PCDHGA3: variants seen among roughly 807,000 people sequenced by gnomAD.
PCDHGA3 encodes the protein protocadherin gamma-A3.
Under a neutral mutation model 58.5 loss-of-function variants are expected in PCDHGA3, and 40 were observed. The observed-to-expected ratio is 0.68, with a 90% CI of 0.53 to 0.89. The LOEUF is 0.89. Ranked by LOEUF, PCDHGA3 falls within the 40% of genes least tolerant of loss-of-function variation. The pLI is 0.00. For synonymous variants in PCDHGA3, 530 were observed against 525.7 expected, an observed-to-expected ratio of 1.01 and a Z score of -0.11; for missense variants, 1,223 against 1,195.9, an observed-to-expected ratio of 1.02 and a Z score of -0.33.
intron 1 of PCDHGA3, chr5:141,378,226 T>C (rs1774724615): frequency 6.6e-6 from 1 of 152,206 alleles, no homozygotes; most frequent in Admixed American, 6.5e-5. Context: ...TGCCTGATAG[T>C]ATTTAAGAGT....
At chr5:141,378,598 G>C (rs1374032317) in intron 1 of PCDHGA3, 4 of 152,136 alleles carry the variant, frequency 2.6e-5, no homozygotes, top group Admixed American at 6.5e-5. Context: ...TCTGCTTACA[G>C]GACATATCTC....
At chr5:141,376,216 G>A (rs1036569498) in intron 1 of PCDHGA3, 23 of 1,614,106 alleles carry the variant, frequency 1.4e-5, no homozygotes, top group Non-Finnish European at 1.9e-5. Flanking sequence ...TCATCGTGCT[G>A]CTGGCGCTCA....
At position 141,487,946 on chromosome 5, in the gene PCDHGA3, C is replaced by G. The variant is rs187890859; in HGVS notation, c.2425-6861C>G. 7.9e-5 allele frequency among the ~76,000 whole-genome samples: 12 copies of G among 152,298 alleles called. No homozygotes were observed. The highest frequency in any genetic ancestry group is 7.8e-4 in the Admixed American group (12 of 15,304). Reference sequence around the variant, plus strand: ...AGTGCACAGGGTACAGTGCACCAGGCAGTCACTTGGACAAAGGTGGCTGTT... The same window carrying G: ...AGTGCACAGGGTACAGTGCACCAGGGAGTCACTTGGACAAAGGTGGCTGTT... On this transcript the variant is annotated intron_variant, in intron 1 of 3. Transcript: ENST00000253812. The surrounding 1 kb of genome is among the most constrained non-coding windows in gnomAD (Gnocchi z 5.0).
chr5:141,429,314 C>A (rs1463397731), intron 1 of PCDHGA3, among the ~76,000 whole-genome samples: 2 of 151,722 alleles, frequency 1.3e-5, no homozygotes, highest in Admixed American at 6.6e-5. Flanking sequence ...GTATATAAGG[C>A]TTTTTCTTTA....
At chr5:141,430,815 T>A in intron 1 of PCDHGA3, 1 of 1,535,252 alleles carries the variant, frequency 6.5e-7, no homozygotes, top group Non-Finnish European at 8.7e-7. Flanking sequence ...CTGGGAATCC[T>A]CCTGGGGACT....
chr5:141,357,498 T>G, intron 1 of PCDHGA3: 1 of 1,614,020 alleles, frequency 6.2e-7, no homozygotes, highest in South Asian at 1.1e-5. Context: ...CGCGGAAGAG[T>G]CACCTGATCT....
At chr5:141,409,021 C>T in intron 1 of PCDHGA3, 4 of 1,613,972 alleles carry the variant, frequency 2.5e-6, no homozygotes, top group Non-Finnish European at 3.4e-6. Context: ...ATGAGGGGGT[C>T]AATGCTGAGA....
At chr5:141,459,499 G>A (rs2098968854) in intron 1 of PCDHGA3, among the ~76,000 whole-genome samples, 1 of 152,172 alleles carries the variant, frequency 6.6e-6, no homozygotes, top group Non-Finnish European at 1.5e-5. Context: ...TTAAAGTGAT[G>A]TGAACAATCA....
Position 141,476,755 on chromosome 5 carries a change from G to A in PCDHGA3, c.2425-18052G>A, listed in dbSNP as rs1307512875. The stretch of plus-strand genomic sequence containing the variant: ...AACGGGAGCCTAGTCTCCAGTTAGT[G>A]CTGACGGCGTTGGACGGAGGGACCC... On this transcript the variant is annotated intron_variant, in intron 1 of 3. Coordinates refer to ENST00000253812, the MANE Select transcript of PCDHGA3 (RefSeq NM_018916.4). This position sits in a 1 kb window ranked among gnomAD's most constrained non-coding sequence, Gnocchi z 7.6. 1.2e-6 allele frequency: 2 copies of A among 1,613,828 alleles called. No homozygotes were observed. Among genetic ancestry groups the A allele is most frequent in the Non-Finnish European group, 1.7e-6 (2 of 1,180,036 alleles).
rs200312693 is a variant in PCDHGA3 at position 141,364,360 on chromosome 5, C to T, written c.2424+17903C>T. 1.5e-3 allele frequency: 2,261 copies of T among 1,558,460 alleles called. 3 individuals carry two copies. The highest frequency in any genetic ancestry group is 1.8e-3 in the Non-Finnish European group (2,074 of 1,154,776). On this transcript the variant is annotated intron_variant, in intron 1 of 3. Transcript: ENST00000253812. ...CGAGTCCACCTAGGGGCTGGGGCTG[C>T]GGAGAGCTGCTGCTGCCCTTCATGC...
chr5:141,409,567 G>A (rs974585499), intron 1 of PCDHGA3: 1 of 1,613,896 alleles, frequency 6.2e-7, no homozygotes, highest in African/African-American at 1.3e-5. Flanking sequence ...TCGACCAGAC[G>A]TCCTACGTGG....
At chr5:141,362,990 A>C (rs1365847301) in intron 1 of PCDHGA3, among the ~76,000 whole-genome samples, 1 of 152,256 alleles carries the variant, frequency 6.6e-6, no homozygotes, top group African/African-American at 2.4e-5. Flanking sequence ...GCATAATGGC[A>C]TGGCTTGTTA....
intron 2 of PCDHGA3, among the ~76,000 whole-genome samples, chr5:141,505,113 G>A (rs1254889990): frequency 6.6e-6 from 1 of 152,178 alleles, no homozygotes; most frequent in East Asian, 1.9e-4. Context: ...AATGAGCCAA[G>A]ATCGCGCCAC....
intron 1 of PCDHGA3, chr5:141,408,732 AT>A (rs1172232848): frequency 6.2e-7 from 1 of 1,610,014 alleles, no homozygotes; most frequent in Non-Finnish European, 8.5e-7. Context: ...TCTAATCCTT[AT>A]TTTTCATTAA....
At position 141,491,735 on chromosome 5, in the gene PCDHGA3, G is replaced by C. The variant is rs765837152; in HGVS notation, c.2425-3072G>C. ...TCGGCGCCGCCCCGGGCGACCCCTG[G>C]GGGCGGCACTGGAGAAGCCGCCCGT... On this transcript the variant is annotated intron_variant, in intron 1 of 3. Coordinates refer to ENST00000253812, the MANE Select transcript of PCDHGA3 (RefSeq NM_018916.4). The surrounding 1 kb of genome is among the most constrained non-coding windows in gnomAD (Gnocchi z 6.9). 2.5e-6 allele frequency: 4 copies of C among 1,601,968 alleles called. No homozygotes were observed. In the South Asian group the frequency reaches 4.4e-5, roughly 18 times the overall value.
At chr5:141,352,529 GCAAAGA>G (rs1300425805) in intron 1 of PCDHGA3, 1 of 1,613,988 alleles carries the variant, frequency 6.2e-7, no homozygotes, top group Non-Finnish European at 8.5e-7. Context: ...CTCTCATTCT[GCAAAGA>G]CAGAGTTTAA....
rs2099648980 is a variant in PCDHGA3 at position 141,487,537 on chromosome 5, G to A, written c.2425-7270G>A. ...CTCGGAGTGATAGCTTCATGATGGT[G>A]AAGTCACCCAGTGCACCTATGGCAG... On this transcript the variant is annotated intron_variant, in intron 1 of 3. Transcript: ENST00000253812. The surrounding 1 kb of genome is among the most constrained non-coding windows in gnomAD (Gnocchi z 5.0). The A allele has an allele frequency of 1.2e-6, 2 of 1,614,188 alleles. No individual in the cohort carries two copies. Among genetic ancestry groups the A allele is most frequent in the Admixed American group, 1.7e-5 (1 of 60,028 alleles).
chr5:141,421,280 G>T (rs564480755), intron 1 of PCDHGA3: 1 of 1,612,948 alleles, frequency 6.2e-7, no homozygotes, highest in African/African-American at 1.3e-5. Context: ...CTGCTGCTGT[G>T]CATTTTCCTG....
rs779769007 is a variant in PCDHGA3 at position 141,345,827 on chromosome 5, G to A, written c.1794G>A (p.Ser598=). 6.2e-7 allele frequency: 1 copy of A among 1,613,472 alleles called. No individual in the cohort carries two copies. Among genetic ancestry groups the A allele is most frequent in the African/African-American group, 1.3e-5 (1 of 74,892 alleles). ...VTKVVAVDRD[S]GQNAWLSYRL... The stretch of plus-strand genomic sequence containing the variant: ...AGGTGGTGGCGGTGGACAGAGACTC[G>A]GGCCAGAACGCCTGGCTGTCCTACC... Residue 598 remains serine, a synonymous_variant, in exon 1 of 4, where the codon TCG becomes TCA. Coordinates refer to ENST00000253812, the MANE Select transcript of PCDHGA3 (RefSeq NM_018916.4).
Sources: allele counts gnomAD v4.1 joint callset (sites outside exome capture counted in the v4.1 genomes callset), GRCh38; gene constraint gnomAD v4.1.1; non-coding constraint Gnocchi (gnomAD v3.1); transcripts MANE v1.5; gene names NCBI Gene and HGNC (gene_info 2026-07-23, HGNC 2026-07-21).